PIEZO2: variants seen among roughly 807,000 people sequenced by gnomAD.
The protein encoded by PIEZO2 is piezo type mechanosensitive ion channel component 2.
PIEZO2 carries 172 observed loss-of-function variants against 337.3 expected under a neutral mutation model. The observed-to-expected ratio is 0.51, with a 90% CI of 0.45 to 0.58. The LOEUF is 0.58. Among genes scored for constraint, PIEZO2 ranks in the 20% least tolerant of loss-of-function variants. The probability of loss-of-function intolerance (pLI) is 0.00; values close to 1 mark genes in which losing one functional copy is unlikely to be tolerated. For synonymous variants in PIEZO2, 1,251 were observed against 1,228.5 expected (o/e 1.02, Z -0.38); for missense variants, 3,028 against 3,391.3 (o/e 0.89, Z 2.66).
intron 2 of PIEZO2, among the ~76,000 whole-genome samples, chr18:11,043,247 A>G (rs754194495): frequency 0.24 from 6,881 of 28,442 alleles, 203 homozygotes; most frequent in South Asian, 0.38. Context: ...TTAAACGCAC[A>G]CACACACACA....
intron 4 of PIEZO2, among the ~76,000 whole-genome samples, chr18:10,896,568 C>G (rs2042907632): frequency 6.6e-6 from 1 of 152,192 alleles, no homozygotes; most frequent in Non-Finnish European, 1.5e-5. Flanking sequence ...AATTTTCTCT[C>G]TGTTTATGGC....
chr18:10,879,990 A>C (rs948481101), intron 4 of PIEZO2, among the ~76,000 whole-genome samples: 2 of 152,210 alleles, frequency 1.3e-5, no homozygotes, highest in Non-Finnish European at 2.9e-5. Flanking sequence ...ACTACTATAA[A>C]AATGACAAAC....
At position 10,871,247 on chromosome 18, in the gene PIEZO2, AT is replaced by A. The variant is rs759008370; in HGVS notation, c.492+5del. The A allele has an allele frequency of 4.5e-5, 69 of 1,535,594 alleles. No individual in the cohort carries two copies. The South Asian group carries it at 8.0e-4, about 18-fold the overall frequency. ...AAAGAAGGAAGAGACATGGAGTTGG[AT>A]TTACCAATTCTTCATTTTCAAACTC... On this transcript the variant is annotated splice_donor_5th_base_variant and intron_variant, in intron 5 of 55. Coordinates refer to ENST00000674853, the MANE Select transcript of PIEZO2 (RefSeq NM_001378183.1).
chr18:10,876,282 T>C (rs566323702), intron 4 of PIEZO2, among the ~76,000 whole-genome samples: 1 of 152,372 alleles, frequency 6.6e-6, no homozygotes, highest in South Asian at 2.1e-4. Flanking sequence ...ACTATTATAC[T>C]AAAAGACTTG....
intron 4 of PIEZO2, among the ~76,000 whole-genome samples, chr18:10,907,970 A>G (rs1050691228): frequency 1.7e-4 from 26 of 152,238 alleles, no homozygotes; most frequent in Admixed American, 1.7e-3. Context: ...TTTTCTTTCT[A>G]TATTACAACA....
Position 11,143,625 on chromosome 18 carries a change from A to ACTCTCTCTCTCTCT in PIEZO2, c.64+4899_64+4900insAGAGAGAGAGAGAG, listed in dbSNP as rs1568412608. On this transcript the variant is annotated intron_variant, in intron 1 of 55. Coordinates refer to ENST00000674853, the MANE Select transcript of PIEZO2 (RefSeq NM_001378183.1). The surrounding 1 kb of genome is among the most constrained non-coding windows in gnomAD (Gnocchi z 4.9). ...AACACACACACACACACACACACAC[A>ACTCTCTCTCTCTCT]CACACACACACACACTCTCTCTCTC... Among the ~76,000 whole-genome samples, 1 of 140,874 alleles carries ACTCTCTCTCTCTCT rather than the reference A, an allele frequency of 7.1e-6. No individual in the cohort carries two copies. Among genetic ancestry groups the ACTCTCTCTCTCTCT allele is most frequent in the African/African-American group, 2.8e-5 (1 of 35,732 alleles). The allele number at this position is 140,874 out of a possible 152,430, so 92.4% of individuals were successfully genotyped here.
At chr18:10,851,145 T>A (rs943789854) in intron 7 of PIEZO2, among the ~76,000 whole-genome samples, 9 of 143,910 alleles carry the variant, frequency 6.3e-5, no homozygotes, top group Admixed American at 7.1e-5. Context: ...CTTTTCTTTT[T>A]TTCTTTTATC....
At chr18:11,100,241 A>C (rs568191800) in intron 1 of PIEZO2, among the ~76,000 whole-genome samples, 3 of 152,378 alleles carry the variant, frequency 2.0e-5, no homozygotes, top group African/African-American at 7.2e-5. Context: ...TTTTGATTAA[A>C]TACATCCATT....
At chr18:11,081,483 AT>A (rs1181767804) in intron 1 of PIEZO2, among the ~76,000 whole-genome samples, 1 of 152,092 alleles carries the variant, frequency 6.6e-6, no homozygotes, top group African/African-American at 2.4e-5. Flanking sequence ...ACCATGTATA[AT>A]TTTTTTAAAC....
At chr18:11,086,954 G>A (rs962517511) in intron 1 of PIEZO2, among the ~76,000 whole-genome samples, 17 of 152,166 alleles carry the variant, frequency 1.1e-4, no homozygotes, top group African/African-American at 4.1e-4. Flanking sequence ...CACCTGCTAT[G>A]TTCTGAATGT....
At chr18:10,875,633 G>C (rs2042249993) in intron 4 of PIEZO2, among the ~76,000 whole-genome samples, 1 of 152,130 alleles carries the variant, frequency 6.6e-6, no homozygotes, top group African/African-American at 2.4e-5. Context: ...GTACAGTCGA[G>C]AGAAAAAGAC....
At chr18:10,896,740 C>T (rs893737498) in intron 4 of PIEZO2, among the ~76,000 whole-genome samples, 3 of 152,188 alleles carry the variant, frequency 2.0e-5, no homozygotes, top group Non-Finnish European at 2.9e-5. Context: ...GGTCTCATGG[C>T]TCACAAATTC....
At chr18:10,964,289 C>T (rs1190358776) in intron 3 of PIEZO2, among the ~76,000 whole-genome samples, 1 of 151,996 alleles carries the variant, frequency 6.6e-6, no homozygotes, top group African/African-American at 2.4e-5. Flanking sequence ...GAGTGTATAG[C>T]ACTGAAGCAA....
rs540101756 is a variant in PIEZO2, at chr18:11,104,408, C to T, written c.65-38186G>A. On this transcript the variant is annotated intron_variant, in intron 1 of 55. Coordinates refer to ENST00000674853, the MANE Select transcript of PIEZO2 (RefSeq NM_001378183.1). This position sits in a 1 kb window ranked among gnomAD's most constrained non-coding sequence, Gnocchi z 4.6. The stretch of plus-strand genomic sequence containing the variant: ...TGTGTCTTTTGGATTTAGGAGACAC[C>T]GTGGCCTGGAGTTTTCTCCCAACTA... 4.6e-5 allele frequency among the ~76,000 whole-genome samples: 7 copies of T among 152,148 alleles called. No homozygotes were observed. Among genetic ancestry groups the T allele is most frequent in the Admixed American group, 2.0e-4 (3 of 15,282 alleles).
rs2036564548 is a variant in PIEZO2 at position 10,726,835 on chromosome 18, C to T, written c.5029+4572G>A. 2 of 1,579,590 alleles carry T rather than the reference C, an allele frequency of 1.3e-6. No homozygotes were observed. The highest frequency in any genetic ancestry group is 1.1e-5 in the South Asian group (1 of 89,248). On this transcript the variant is annotated intron_variant, in intron 36 of 55. Coordinates refer to ENST00000674853, the MANE Select transcript of PIEZO2 (RefSeq NM_001378183.1). The surrounding 1 kb of genome is among the most constrained non-coding windows in gnomAD (Gnocchi z 5.9). Reference sequence around the variant, plus strand: ...TGGGGTGCTGGATAATACCCGGATGCCCCACCTTATGCAGGACTTGGCACG... The same window carrying T: ...TGGGGTGCTGGATAATACCCGGATGTCCCACCTTATGCAGGACTTGGCACG...
intron 4 of PIEZO2, among the ~76,000 whole-genome samples, chr18:10,898,840 G>T (rs987147607): frequency 2.6e-5 from 4 of 152,080 alleles, no homozygotes; most frequent in Admixed American, 2.6e-4. Context: ...CGTGGTATAG[G>T]AGCAATGTCA....
intron 9 of PIEZO2, among the ~76,000 whole-genome samples, chr18:10,803,183 A>G (rs2039885135): frequency 6.6e-6 from 1 of 152,156 alleles, no homozygotes; most frequent in Admixed American, 6.5e-5. Context: ...ACGTGCTGTC[A>G]TGTCAGGTGT....
chr18:10,898,563 T>A (rs1598650157), intron 4 of PIEZO2, among the ~76,000 whole-genome samples: 1 of 152,228 alleles, frequency 6.6e-6, no homozygotes, highest in East Asian at 1.9e-4. Context: ...AATATTAGGT[T>A]GGGGAGTTAA....
At position 10,726,549 on chromosome 18, in the gene PIEZO2, C is replaced by T; in HGVS notation, c.5029+4858G>A. On this transcript the variant is annotated intron_variant, in intron 36 of 55. Coordinates refer to ENST00000674853, the MANE Select transcript of PIEZO2 (RefSeq NM_001378183.1). This position sits in a 1 kb window ranked among gnomAD's most constrained non-coding sequence, Gnocchi z 5.9. ...GCGCTGCTCTGCTCTGCTACACCAG[C>T]CGCCACGCTGTGCGTCTGTCCTTCC... 2 of 1,417,294 alleles carry T rather than the reference C, an allele frequency of 1.4e-6. No individual in the cohort carries two copies. The highest frequency in any genetic ancestry group is 1.4e-5 in the South Asian group (1 of 70,404). 87.8% of individuals were successfully genotyped at this position (1,417,294 alleles called of 1,614,324 possible).
Sources: allele counts gnomAD v4.1 joint callset (sites outside exome capture counted in the v4.1 genomes callset), GRCh38; gene constraint gnomAD v4.1.1; non-coding constraint Gnocchi (gnomAD v3.1); transcripts MANE v1.5; gene names NCBI Gene and HGNC (gene_info 2026-07-23, HGNC 2026-07-21).